TENM3: variants seen among roughly 807,000 people sequenced by gnomAD.
TENM3 encodes the protein teneurin transmembrane protein 3.
Under a neutral mutation model 255.1 loss-of-function variants are expected in TENM3, and 63 were observed. The observed-to-expected ratio is 0.25, with a 90% CI of 0.20 to 0.30. The LOEUF is 0.30. Among genes scored for constraint, TENM3 ranks in the 10% least tolerant of loss-of-function variants. The probability of loss-of-function intolerance (pLI) is 1.00; values close to 1 mark genes in which losing one functional copy is unlikely to be tolerated. For missense variants in TENM3, 2,929 were observed against 3,461.1 expected, an observed-to-expected ratio of 0.85 and a Z score of 3.86; for synonymous variants, 1,306 against 1,322.3, an observed-to-expected ratio of 0.99 and a Z score of 0.27.
the TENM3 span, among the ~76,000 whole-genome samples, chr4:181,560,117 T>G: frequency 6.6e-6 from 1 of 152,228 alleles, no homozygotes; most frequent in Non-Finnish European, 1.5e-5. Context: ...TCTCGTGGTC[T>G]TGGAGGCTGG....
At chr4:182,009,291 A>G in the TENM3 span, among the ~76,000 whole-genome samples, 176 of 152,028 alleles carry the variant, frequency 1.2e-3, no homozygotes, top group African/African-American at 4.1e-3. Context: ...CTGGAGGGAA[A>G]CCCACTTATC....
chr4:182,485,719 A>G (rs1342777869), intron 3 of TENM3, among the ~76,000 whole-genome samples: 1 of 152,160 alleles, frequency 6.6e-6, no homozygotes, highest in African/African-American at 2.4e-5. Flanking sequence ...TATTTCGGTA[A>G]TATTTTATTG....
At chr4:182,509,600 G>A (rs1737174395) in intron 3 of TENM3, among the ~76,000 whole-genome samples, 1 of 152,120 alleles carries the variant, frequency 6.6e-6, no homozygotes, top group Non-Finnish European at 1.5e-5. Flanking sequence ...CAAATGCCGT[G>A]TCTAAGAACA....
chr4:181,685,697 C>A, the TENM3 span, among the ~76,000 whole-genome samples: 3 of 152,106 alleles, frequency 2.0e-5, no homozygotes, highest in African/African-American at 7.2e-5. Flanking sequence ...CGGATGGGCA[C>A]CCTGCCCCCA....
the TENM3 span, among the ~76,000 whole-genome samples, chr4:182,005,292 G>A: frequency 6.6e-6 from 1 of 152,186 alleles, no homozygotes; most frequent in Non-Finnish European, 1.5e-5. Context: ...CATAGGGGTA[G>A]CCAGTTTTCC....
chr4:181,487,067 C>T, the TENM3 span, among the ~76,000 whole-genome samples: 32 of 152,128 alleles, frequency 2.1e-4, no homozygotes, highest in South Asian at 2.3e-3. Context: ...ATAAATGATG[C>T]GCATACCATA....
At chr4:181,495,917 A>AAAG in the TENM3 span, among the ~76,000 whole-genome samples, 3 of 151,028 alleles carry the variant, frequency 2.0e-5, no homozygotes, top group African/African-American at 7.3e-5. Context: ...AAAAAAAAAA[A>AAAG]AAAAAGAAAC....
chr4:182,286,156 C>G (rs915205454), intron 1 of TENM3, among the ~76,000 whole-genome samples: 1 of 152,148 alleles, frequency 6.6e-6, no homozygotes, highest in Non-Finnish European at 1.5e-5. Context: ...TGGGTATTGC[C>G]AAGGGTATGG....
chr4:182,282,583 A>G (rs981868276), intron 1 of TENM3, among the ~76,000 whole-genome samples: 1 of 152,116 alleles, frequency 6.6e-6, no homozygotes, highest in African/African-American at 2.4e-5. Context: ...ACTAGAAAAG[A>G]TACTGGATAC....
the TENM3 span, among the ~76,000 whole-genome samples, chr4:182,125,019 G>A: frequency 7.4e-6 from 1 of 135,304 alleles, no homozygotes; most frequent in Non-Finnish European, 1.6e-5. Flanking sequence ...TGCTGGGACG[G>A]TGAATCTTCC....
the TENM3 span, among the ~76,000 whole-genome samples, chr4:181,855,594 GA>G: frequency 6.6e-6 from 1 of 152,258 alleles, no homozygotes; most frequent in Admixed American, 6.5e-5. Context: ...CTAAGATATT[GA>G]AAAAGTGTAG....
At chr4:181,626,303 G>A in the TENM3 span, among the ~76,000 whole-genome samples, 1 of 152,192 alleles carries the variant, frequency 6.6e-6, no homozygotes, top group Non-Finnish European at 1.5e-5. Flanking sequence ...AGATGGGAGG[G>A]ACAGGAGCTG....
At chr4:181,997,092 A>C in the TENM3 span, among the ~76,000 whole-genome samples, 8 of 152,214 alleles carry the variant, frequency 5.3e-5, no homozygotes, top group African/African-American at 1.4e-4. Context: ...GCAGAAGACA[A>C]CCTTAGAGAT....
At chr4:181,808,465 G>C in the TENM3 span, among the ~76,000 whole-genome samples, 1 of 152,120 alleles carries the variant, frequency 6.6e-6, no homozygotes, top group Admixed American at 6.5e-5. Context: ...AAGCATTCAG[G>C]TTGGGCAGCC....
intron 1 of TENM3, among the ~76,000 whole-genome samples, chr4:182,272,719 A>G (rs2150225985): frequency 6.6e-6 from 1 of 152,330 alleles, no homozygotes; most frequent in East Asian, 1.9e-4. Flanking sequence ...GGTGAAGAAG[A>G]CAGACATGGT....
At chr4:182,406,282 G>T (rs1333541607) in intron 3 of TENM3, among the ~76,000 whole-genome samples, 1 of 151,894 alleles carries the variant, frequency 6.6e-6, no homozygotes, top group Non-Finnish European at 1.5e-5. Flanking sequence ...TCCAGCCTGG[G>T]CCACAGAGCG....
At chr4:182,221,957 C>T (rs1466227777) in intron 1 of TENM3, among the ~76,000 whole-genome samples, 1 of 152,128 alleles carries the variant, frequency 6.6e-6, no homozygotes, top group Non-Finnish European at 1.5e-5. Flanking sequence ...GAGTTTTTGC[C>T]TTGACATATT....
At chr4:182,294,033 G>A (rs765914706) in intron 1 of TENM3, among the ~76,000 whole-genome samples, 5 of 151,994 alleles carry the variant, frequency 3.3e-5, no homozygotes, top group Non-Finnish European at 5.9e-5. Context: ...TCACAGGCCC[G>A]GGTAAACTTC....
chr4:182,394,874 T>TA lies in TENM3; in HGVS notation c.511+47951dup, dbSNP rs1244846825. On this transcript the variant is annotated intron_variant, in intron 3 of 27. Transcript: ENST00000511685. ...GAGCAGAAGTGATAGGAATATTGGA[T>TA]AAAAAATGCCGTACAGGCCAGAAAG... Among the ~76,000 whole-genome samples the TA allele has an allele frequency of 3.9e-5, 6 of 152,192 alleles. No individual in the cohort carries two copies. The East Asian group carries it at 5.8e-4, about 15-fold the overall frequency.
Sources: gnomAD v4.1 joint callset for allele counts (sites outside exome capture counted in the v4.1 genomes callset) on GRCh38, gnomAD v4.1.1 for gene constraint, MANE v1.5 for transcripts, NCBI Gene and HGNC (gene_info 2026-07-23, HGNC 2026-07-21) for gene names.